KHDC1: variants seen among roughly 807,000 people sequenced by gnomAD.
The protein encoded by KHDC1 is KH homology domain-containing protein 1.
A neutral mutation model predicts 24.7 loss-of-function variants in KHDC1; 21 were observed. The ratio of observed to expected loss-of-function variants is 0.85; its 90% CI spans 0.60 to 1.23. The LOEUF (loss-of-function observed/expected upper bound fraction) is 1.23. Among genes scored for constraint, KHDC1 ranks in the 50% most tolerant of loss-of-function variants. The pLI is 0.00. For missense variants in KHDC1, 274 were observed against 298.5 expected (o/e 0.92, Z 0.61); for synonymous variants, 98 against 111.7 (o/e 0.88, Z 0.77).
Position 73,302,485 on chromosome 6 carries a change from C to G in KHDC1, c.163+7067G>C, listed in dbSNP as rs375344165. On this transcript the variant is annotated intron_variant, in intron 1 of 4. Coordinates refer to ENST00000370384, the Ensembl canonical transcript of KHDC1. ...CAAGCTATATGGTAAAAGCTTATTACCCCTAGGCTACAAACCTGTATGGCA... is the reference window on the plus strand; with the variant it reads ...CAAGCTATATGGTAAAAGCTTATTAGCCCTAGGCTACAAACCTGTATGGCA... Among the ~76,000 whole-genome samples, 299 of 152,228 alleles carry G rather than the reference C, an allele frequency of 2.0e-3. 2 individuals carry two copies. Among genetic ancestry groups the G allele is most frequent in the African/African-American group, 6.7e-3 (277 of 41,526 alleles).
At chr6:73,273,244 T>G (rs1343012723) in intron 2 of KHDC1, among the ~76,000 whole-genome samples, 1 of 151,302 alleles carries the variant, frequency 6.6e-6, no homozygotes, top group East Asian at 2.0e-4. Context: ...CTCGGCTCAC[T>G]GCAACCTTCG....
intron 2 of KHDC1, among the ~76,000 whole-genome samples, chr6:73,281,806 A>G (rs1767418706): frequency 6.6e-6 from 1 of 152,140 alleles, no homozygotes; most frequent in Non-Finnish European, 1.5e-5. Context: ...ACAGTGTACC[A>G]CATTACATTT....
chr6:73,271,865 A>G (rs369989815), intron 2 of KHDC1, among the ~76,000 whole-genome samples: 20 of 151,796 alleles, frequency 1.3e-4, no homozygotes, highest in African/African-American at 4.8e-4. Flanking sequence ...ACTGCACTCC[A>G]GCCTGGGCAA....
intron 2 of KHDC1, among the ~76,000 whole-genome samples, chr6:73,264,048 A>G (rs943566031): frequency 3.3e-5 from 5 of 152,126 alleles, no homozygotes; most frequent in African/African-American, 4.8e-5. Flanking sequence ...AAAATTTAAA[A>G]ATCAGCTGGG....
At chr6:73,256,604 T>C (rs1766884071) in intron 2 of KHDC1, among the ~76,000 whole-genome samples, 1 of 152,240 alleles carries the variant, frequency 6.6e-6, no homozygotes. Flanking sequence ...CTGGTGTAAC[T>C]GGTGACTTCA....
At chr6:73,253,936 C>T (rs908438796) in intron 2 of KHDC1, among the ~76,000 whole-genome samples, 1 of 151,750 alleles carries the variant, frequency 6.6e-6, no homozygotes. Context: ...ATAACAACAA[C>T]AAAAAACAGT....
chr6:73,257,865 T>A (rs1766908804), intron 2 of KHDC1, among the ~76,000 whole-genome samples: 1 of 152,030 alleles, frequency 6.6e-6, no homozygotes, highest in African/African-American at 2.4e-5. Flanking sequence ...CCCAGCATGC[T>A]GGGAGGCCAA....
chr6:73,263,061 G>GGCGGCGGCA (rs1187731275), intron 2 of KHDC1: 31 of 123,814 alleles, frequency 2.5e-4, no homozygotes, highest in East Asian at 7.6e-4. Flanking sequence ...CGGCGGCGGC[G>GGCGGCGGCA]GCGGCGGCAG....
At chr6:73,241,932 A>C (rs763257301) in intron 4 of KHDC1, 123 bp downstream of exon 3, 215 of 1,155,310 alleles carry the variant, frequency 1.9e-4, no homozygotes, top group Non-Finnish European at 2.5e-4. Flanking sequence ...TTCCCAATGG[A>C]CTCTGGGAAG....
At chr6:73,292,163 C>T in intron 1 of KHDC1, 2 of 1,545,992 alleles carry the variant, frequency 1.3e-6, no homozygotes, top group South Asian at 2.2e-5. Context: ...TGATATTCCT[C>T]ATGCTTTGAA....
chr6:73,305,075 T>C (rs540713469), intron 1 of KHDC1, among the ~76,000 whole-genome samples: 1 of 152,004 alleles, frequency 6.6e-6, no homozygotes, highest in Non-Finnish European at 1.5e-5. Flanking sequence ...TCATCTATAC[T>C]AAAAATACAA....
rs538763169 is a variant in KHDC1 at position 73,261,464 on chromosome 6, TA to T, written c.207-18935del. Among the ~76,000 whole-genome samples, 1,360 of 151,646 alleles carry T rather than the reference TA, an allele frequency of 9.0e-3. 23 individuals are homozygous for T. Among genetic ancestry groups the T allele is most frequent in the African/African-American group, 0.032 (1,303 of 41,336 alleles). Reference sequence around the variant, plus strand: ...ATAAATAAATAAATAAAATTTTTTTTAAAAAAATAAGCATAGACTCTAGGAC... The same window carrying T: ...ATAAATAAATAAATAAAATTTTTTTTAAAAAATAAGCATAGACTCTAGGAC... On this transcript the variant is annotated intron_variant, in intron 2 of 4. Coordinates refer to ENST00000370384, the Ensembl canonical transcript of KHDC1.
intron 2 of KHDC1, among the ~76,000 whole-genome samples, chr6:73,280,221 A>G (rs914798574): frequency 3.9e-5 from 6 of 152,306 alleles, no homozygotes; most frequent in African/African-American, 1.2e-4. Flanking sequence ...CAATGGCACA[A>G]TCACAACTCA....
At chr6:73,253,231 C>T (rs139880353) in intron 2 of KHDC1, among the ~76,000 whole-genome samples, 4 of 152,286 alleles carry the variant, frequency 2.6e-5, no homozygotes, top group Non-Finnish European at 4.4e-5. Flanking sequence ...AGGCGGATTA[C>T]TCAATCAAGG....
intron 2 of KHDC1, chr6:73,273,999 C>A (rs1241429568): frequency 6.6e-6 from 1 of 152,062 alleles, no homozygotes; most frequent in Non-Finnish European, 1.5e-5. Context: ...TACCTGTAGT[C>A]CCAGCTACTT....
chr6:73,309,834 G>A, exon 1 of KHDC1: 1 of 1,241,946 alleles, frequency 8.1e-7, no homozygotes, highest in South Asian at 1.4e-5. Context: ...GCGAAGTTCA[G>A]GACGCGAAGG....
intron 2 of KHDC1, among the ~76,000 whole-genome samples, chr6:73,272,658 C>T (rs1213570926): frequency 1.3e-5 from 2 of 150,766 alleles, no homozygotes; most frequent in Admixed American, 1.3e-4. Context: ...TGCCTGTAAT[C>T]CCAGTTACTC....
chr6:73,288,343 G>A (rs992972137), intron 2 of KHDC1, among the ~76,000 whole-genome samples: 2 of 152,164 alleles, frequency 1.3e-5, no homozygotes, highest in Non-Finnish European at 2.9e-5. Flanking sequence ...TTCTTGGGCC[G>A]GGCACGGTGG....
chr6:73,307,304 T>C (rs1767983046), intron 1 of KHDC1, among the ~76,000 whole-genome samples: 2 of 151,578 alleles, frequency 1.3e-5, no homozygotes, highest in Admixed American at 6.6e-5. Context: ...GCCGGGCGCC[T>C]GTAATCCCAG....
Sources: gnomAD v4.1 joint callset for allele counts (sites outside exome capture counted in the v4.1 genomes callset) on GRCh38, gnomAD v4.1.1 for gene constraint, MANE v1.5 for transcripts, NCBI Gene and HGNC (gene_info 2026-07-23, HGNC 2026-07-21) for gene names.